The following CLIC5 variants were observed in gnomAD, a reference collection of about 807,000 sequenced individuals.
CLIC5 encodes CLIC family member 5.
A neutral mutation model predicts 24.7 loss-of-function variants in CLIC5; 20 were observed. That is an observed-to-expected ratio of 0.81 (90% CI 0.57 to 1.18). The LOEUF (loss-of-function observed/expected upper bound fraction) is 1.18, where lower values mean the gene tolerates loss of function less well. CLIC5 is among the 50% of genes most tolerant of loss of function. CLIC5 has a pLI of 0.00. For missense variants in CLIC5, 341 were observed against 326.1 expected (o/e 1.05, Z -0.35); for synonymous variants, 159 against 135.6 (o/e 1.17, Z -1.20).
At position 45,899,218 on chromosome 6, in the gene CLIC5, G is replaced by A. The variant is rs1762448404; in HGVS notation, c.*3870C>T. On this transcript the variant is annotated 3_prime_UTR_variant, in exon 6 of 6. Transcript: ENST00000339561. ...GTTCGCTTAAGTTTTCCTAACATCA[G>A]AATCAGGGTGCTTCACATGCACATG... The A allele has an allele frequency of 6.6e-6, 1 of 152,184 alleles. No individual in the cohort carries two copies. The highest frequency in any genetic ancestry group is 1.5e-5 in the Non-Finnish European group (1 of 68,034). The allele number at this position is 152,184 out of a possible 1,614,324, so 9.4% of individuals were successfully genotyped here.
intron 4 of CLIC5, among the ~76,000 whole-genome samples, chr6:45,935,647 A>G (rs974404697): frequency 6.6e-6 from 1 of 152,152 alleles, no homozygotes; most frequent in Non-Finnish European, 1.5e-5. Context: ...CTCCCATCTC[A>G]AAGATGCTCT....
chr6:46,051,224 T>C (rs1403840386), intron 1 of CLIC5, among the ~76,000 whole-genome samples: 1 of 152,230 alleles, frequency 6.6e-6, no homozygotes, highest in Non-Finnish European at 1.5e-5. Context: ...GCCCTGGCCC[T>C]TGGGGCAATG....
intron 1 of CLIC5, among the ~76,000 whole-genome samples, chr6:46,061,886 G>C (rs2127470516): frequency 6.6e-6 from 1 of 152,232 alleles, no homozygotes; most frequent in East Asian, 1.9e-4. Context: ...ATTCAGACAA[G>C]AATAAAGACC....
intron 6 of CLIC5, among the ~76,000 whole-genome samples, chr6:45,886,642 A>T (rs9395131): frequency 0.83 from 126,096 of 152,170 alleles, 52,418 homozygotes; most frequent in East Asian, 0.99. Context: ...GAAGGAAGAA[A>T]CTGCCAAATA....
chr6:45,891,652 T>C (rs938806443), intron 6 of CLIC5, among the ~76,000 whole-genome samples: 5 of 145,132 alleles, frequency 3.4e-5, no homozygotes, highest in African/African-American at 1.3e-4. Flanking sequence ...AAAAAAAGAA[T>C]GTGTATGTGC....
intron 4 of CLIC5, chr6:45,918,785 T>C: frequency 4.3e-6 from 1 of 234,334 alleles, no homozygotes. Context: ...TCCCATACCT[T>C]AGCACCAGCA....
the CLIC5 span, among the ~76,000 whole-genome samples, chr6:46,113,044 A>C: frequency 1.3e-5 from 2 of 152,144 alleles, no homozygotes; most frequent in Middle Eastern, 3.2e-3. Context: ...TGACAGAGCG[A>C]GAATCTGTCT....
At chr6:45,993,682 T>G (rs1766025386) in intron 1 of CLIC5, among the ~76,000 whole-genome samples, 1 of 152,212 alleles carries the variant, frequency 6.6e-6, no homozygotes, top group Admixed American at 6.5e-5. Context: ...ACAGAGGTAC[T>G]GACCACTTTC....
chr6:45,887,671 G>C (rs1324999966), intron 6 of CLIC5, among the ~76,000 whole-genome samples: 1 of 152,190 alleles, frequency 6.6e-6, no homozygotes, highest in Non-Finnish European at 1.5e-5. Flanking sequence ...TGGAAGTTTT[G>C]ATCTATTGTC....
At chr6:46,101,996 T>A in the CLIC5 span, among the ~76,000 whole-genome samples, 1 of 144,742 alleles carries the variant, frequency 6.9e-6, no homozygotes. Flanking sequence ...GGGGTGGGGG[T>A]GGTATGAGGA....
intron 1 of CLIC5, among the ~76,000 whole-genome samples, chr6:46,008,573 G>A (rs1283965217): frequency 6.6e-6 from 1 of 152,100 alleles, no homozygotes; most frequent in Non-Finnish European, 1.5e-5. Context: ...CTTTCACAGA[G>A]CCTGGCACAG....
At position 45,948,576 on chromosome 6, in the gene CLIC5, T is replaced by C. The variant is rs549487944; in HGVS notation, c.299+680A>G. On this transcript the variant is annotated intron_variant, in intron 3 of 5. Transcript: ENST00000339561. Reference sequence around the variant, plus strand: ...TTTCTAGTTTTTTCAAAAATTGTGATTGTTTTAATCCTTGATAATAGTATT... The same window carrying C: ...TTTCTAGTTTTTTCAAAAATTGTGACTGTTTTAATCCTTGATAATAGTATT... Among the ~76,000 whole-genome samples, 8 of 152,270 alleles carry C rather than the reference T, an allele frequency of 5.3e-5. No individual in the cohort carries two copies. The South Asian group carries it at 1.7e-3, about 31-fold the overall frequency.
At chr6:45,929,390 G>C (rs779194501) in intron 4 of CLIC5, among the ~76,000 whole-genome samples, 1 of 152,216 alleles carries the variant, frequency 6.6e-6, no homozygotes, top group Non-Finnish European at 1.5e-5. Context: ...GGACATGCAA[G>C]TGCAGAGCCC....
the CLIC5 span, among the ~76,000 whole-genome samples, chr6:46,118,676 T>C: frequency 6.6e-6 from 1 of 152,198 alleles, no homozygotes; most frequent in Admixed American, 6.5e-5. Context: ...CCAGCCTCAA[T>C]CCCAATGATC....
intron 1 of CLIC5, among the ~76,000 whole-genome samples, chr6:45,998,257 C>G (rs1766224174): frequency 6.6e-6 from 1 of 152,238 alleles, no homozygotes; most frequent in Non-Finnish European, 1.5e-5. Context: ...AACTTCCTAG[C>G]TACCTTCTCA....
intron 2 of CLIC5, among the ~76,000 whole-genome samples, chr6:45,952,819 C>T (rs1268255056): frequency 1.3e-5 from 2 of 152,094 alleles, no homozygotes; most frequent in Non-Finnish European, 2.9e-5. Flanking sequence ...ACATACAAGT[C>T]CTCTCTCACA....
Position 45,902,972 on chromosome 6 carries a change from A to G in CLIC5, c.*116T>C. ...GAGTTCCCATGATACCAGCAAGATG[A>G]GGCTTGATTATAAAAAGTGCGCCTC... On this transcript the variant is annotated 3_prime_UTR_variant, in exon 6 of 6. Transcript: ENST00000339561. The G allele has an allele frequency of 8.8e-7, 1 of 1,133,784 alleles. No individual in the cohort carries two copies. The highest frequency in any genetic ancestry group is 1.4e-5 in the South Asian group (1 of 69,484). 70.2% of individuals were successfully genotyped at this position (1,133,784 alleles called of 1,614,324 possible).
At chr6:46,125,552 G>A in the CLIC5 span, among the ~76,000 whole-genome samples, 272 of 152,136 alleles carry the variant, frequency 1.8e-3, 1 homozygote, top group Non-Finnish European at 1.6e-3. Flanking sequence ...TTGTGCACAT[G>A]TACCTTAGAA....
upstream of CLIC5, among the ~76,000 whole-genome samples, chr6:46,082,112 G>T (rs1012002452): frequency 1.3e-5 from 2 of 152,132 alleles, no homozygotes; most frequent in Non-Finnish European, 2.9e-5. Flanking sequence ...TGCAACTCAT[G>T]CTTTTACTAC....
Sources: allele counts gnomAD v4.1 joint callset (sites outside exome capture counted in the v4.1 genomes callset), GRCh38; gene constraint gnomAD v4.1.1; transcripts MANE v1.5; gene names NCBI Gene and HGNC (gene_info 2026-07-23, HGNC 2026-07-21).